LRRC37A2: variants seen among roughly 807,000 people sequenced by gnomAD.
LRRC37A2 encodes the protein leucine-rich repeat-containing protein 37A2.
Under a neutral mutation model 68.8 loss-of-function variants are expected in LRRC37A2, and 9 were observed. That is an observed-to-expected ratio of 0.13 (90% CI 0.08 to 0.23). The LOEUF (loss-of-function observed/expected upper bound fraction) is 0.23, where lower values mean the gene tolerates loss of function less well. Among genes scored for constraint, LRRC37A2 ranks in the 10% least tolerant of loss-of-function variants. LRRC37A2 has a pLI of 1.00. For synonymous variants in LRRC37A2, 63 were observed against 367.6 expected (o/e 0.17, Z 9.48); for missense variants, 168 against 950.4 (o/e 0.18, Z 10.82).
chr17:46,864,746 C>G, the LRRC37A2 span, among the ~76,000 whole-genome samples: 1 of 152,170 alleles, frequency 6.6e-6, no homozygotes, highest in African/African-American at 2.4e-5. Context: ...ATCAAGAGAC[C>G]TGGGCCACAG....
At chr17:46,833,459 G>A in the LRRC37A2 span, 1 of 504,016 alleles carries the variant, frequency 2.0e-6, no homozygotes, top group Non-Finnish European at 4.0e-6. Flanking sequence ...TAGGGAGGAA[G>A]GGACAGCCAA....
chr17:46,748,171 G>A, the LRRC37A2 span, among the ~76,000 whole-genome samples: 2 of 152,108 alleles, frequency 1.3e-5, no homozygotes, highest in Non-Finnish European at 2.9e-5. Flanking sequence ...GCAATGGCGT[G>A]ATCTTGGCTC....
the LRRC37A2 span, among the ~76,000 whole-genome samples, chr17:46,488,654 A>G: frequency 3.8e-5 from 5 of 131,428 alleles, no homozygotes; most frequent in African/African-American, 1.5e-4. Flanking sequence ...GCAGTGAGCC[A>G]AGATCGCACC....
chr17:46,815,601 T>C, the LRRC37A2 span, among the ~76,000 whole-genome samples: 1 of 151,912 alleles, frequency 6.6e-6, no homozygotes, highest in East Asian at 2.0e-4. Flanking sequence ...CAGAGGCCCA[T>C]CTACCCTACA....
the LRRC37A2 span, among the ~76,000 whole-genome samples, chr17:46,875,567 G>A: frequency 9.8e-5 from 15 of 152,334 alleles, no homozygotes; most frequent in East Asian, 1.9e-4. Flanking sequence ...GGAACACAGC[G>A]GAAGCATGGA....
At chr17:46,894,473 G>A in the LRRC37A2 span, among the ~76,000 whole-genome samples, 2 of 152,234 alleles carry the variant, frequency 1.3e-5, no homozygotes, top group African/African-American at 4.8e-5. Flanking sequence ...CAGGTGCCAG[G>A]AAACCTACCA....
At chr17:46,974,115 A>T in the LRRC37A2 span, among the ~76,000 whole-genome samples, 27 of 152,352 alleles carry the variant, frequency 1.8e-4, no homozygotes, top group East Asian at 3.7e-3. Context: ...GTGAAGGCAC[A>T]GCTGACCCCA....
the LRRC37A2 span, among the ~76,000 whole-genome samples, chr17:46,740,273 T>C: frequency 1.3e-5 from 2 of 152,172 alleles, no homozygotes; most frequent in Non-Finnish European, 2.9e-5. Context: ...AAAGGAGCAA[T>C]GTGGGCTCTG....
At chr17:46,900,162 C>CATATATATATATATAT in the LRRC37A2 span, among the ~76,000 whole-genome samples, 4 of 101,146 alleles carry the variant, frequency 4.0e-5, no homozygotes, top group African/African-American at 1.9e-4. Context: ...TATATATATA[C>CATATATATATATATAT]ATATACATAT....
chr17:46,809,676 G>A, the LRRC37A2 span, among the ~76,000 whole-genome samples: 1 of 152,144 alleles, frequency 6.6e-6, no homozygotes, highest in African/African-American at 2.4e-5. Flanking sequence ...ATGTGTCCCT[G>A]GTTGGAAATC....
At chr17:46,967,768 A>G in the LRRC37A2 span, among the ~76,000 whole-genome samples, 5 of 152,158 alleles carry the variant, frequency 3.3e-5, no homozygotes, top group East Asian at 1.9e-4. Flanking sequence ...GAGAAGCAAC[A>G]TGGTGCCACC....
the LRRC37A2 span, among the ~76,000 whole-genome samples, chr17:46,780,127 G>A: frequency 1.3e-5 from 2 of 152,164 alleles, no homozygotes; most frequent in African/African-American, 4.8e-5. Context: ...ATTGACTTAC[G>A]CACCTAACAT....
the LRRC37A2 span, among the ~76,000 whole-genome samples, chr17:46,631,084 A>ACACACACACC: frequency 1.4e-5 from 2 of 145,590 alleles, no homozygotes; most frequent in African/African-American, 5.5e-5. Context: ...ACACACACAC[A>ACACACACACC]CACACACACA....
the LRRC37A2 span, chr17:46,938,651 C>G: frequency 6.2e-6 from 10 of 1,614,020 alleles, no homozygotes; most frequent in Non-Finnish European, 8.5e-6. Context: ...TTGTCCAACA[C>G]AGTGATGCGG....
At chr17:46,540,385 CGAA>C in intron 7 of LRRC37A2, 138 bp downstream of exon 6, 1 of 260,880 alleles carries the variant, frequency 3.8e-6, no homozygotes, top group Non-Finnish European at 6.4e-6. Flanking sequence ...AAGTTATTGG[CGAA>C]GAAAAAAACT....
At chr17:46,837,005 T>C in the LRRC37A2 span, among the ~76,000 whole-genome samples, 3 of 152,098 alleles carry the variant, frequency 2.0e-5, no homozygotes, top group Non-Finnish European at 4.4e-5. Flanking sequence ...TGCAGTGGCG[T>C]GATCTCGGCT....
chr17:46,708,482 T>A, the LRRC37A2 span, among the ~76,000 whole-genome samples: 6 of 151,044 alleles, frequency 4.0e-5, no homozygotes, highest in Non-Finnish European at 8.8e-5. Context: ...CAACCATTTG[T>A]TACATATCCT....
At chr17:46,816,964 C>T in the LRRC37A2 span, among the ~76,000 whole-genome samples, 1 of 152,340 alleles carries the variant, frequency 6.6e-6, no homozygotes, top group East Asian at 1.9e-4. Context: ...CCTGGCTGCC[C>T]TGGCCACCCC....
the LRRC37A2 span, among the ~76,000 whole-genome samples, chr17:47,036,725 C>CT: frequency 6.6e-6 from 1 of 150,930 alleles, no homozygotes; most frequent in Non-Finnish European, 1.5e-5. Context: ...CAGTATCACA[C>CT]TGTGATTGCT....
Sources: gnomAD v4.1 joint callset for allele counts (sites outside exome capture counted in the v4.1 genomes callset) on GRCh38, gnomAD v4.1.1 for gene constraint, MANE v1.5 for transcripts, NCBI Gene and HGNC (gene_info 2026-07-23, HGNC 2026-07-21) for gene names.